Variants in FSIP2 observed in about 807,000 individuals in gnomAD.
The protein encoded by FSIP2 is fibrous sheath-interacting protein 2.
Under a neutral mutation model 510.5 loss-of-function variants are expected in FSIP2, and 367 were observed. The observed-to-expected ratio is 0.72, with a 90% CI of 0.66 to 0.78. The LOEUF (loss-of-function observed/expected upper bound fraction) is 0.78. Among genes scored for constraint, FSIP2 ranks in the 30% least tolerant of loss-of-function variants. FSIP2 has a pLI of 0.00. For synonymous variants in FSIP2, 2,601 were observed against 2,732.2 expected, an observed-to-expected ratio of 0.95 and a Z score of 1.50; for missense variants, 7,594 against 7,901.7, an observed-to-expected ratio of 0.96 and a Z score of 1.48.
intron 9 of FSIP2, among the ~76,000 whole-genome samples, chr2:185,760,012 AG>A (rs1049086392): frequency 7.8e-5 from 3 of 38,542 alleles, no homozygotes; most frequent in Non-Finnish European, 1.4e-4. Context: ...TGGATTTTTC[AG>A]AGAATTTGTT....
Position 185,796,653 on chromosome 2 carries a change from G to A in FSIP2, c.9517G>A (p.Glu3173Lys). Residue 3173 changes from glutamate (E) to lysine (K), a missense_variant, in exon 16 of 23, where the codon GAA becomes AAA. Coordinates refer to ENST00000424728, the MANE Select transcript of FSIP2 (RefSeq NM_173651.4). The part of the protein sequence containing the change: ...NMKMFTSKLK[E>K]GSLGINPSQV... ...GAAAATGTTCACATCAAAGTTAAAG[G>A]AAGGTAGTTTGGGGATTAATCCTTC... The A allele has an allele frequency of 6.5e-7, 1 of 1,535,120 alleles. No homozygotes were observed. The highest frequency in any genetic ancestry group is 2.4e-5 in the East Asian group (1 of 40,856).
rs775230909 is a variant in FSIP2, at chr2:185,801,818, G to A, written c.12512G>A (p.Ser4171Asn). The change falls in exon 17 of 23, where the codon AGT (serine) becomes AAT (asparagine). Residue 4171 changes from serine (S) to asparagine (N), a missense_variant. By Grantham distance (46) the Ser-to-Asn change is conservative (BLOSUM62 1). Transcript: ENST00000424728. ...TCTTTAGGAAAAAAATATTTAATGAGTTCTGATTTTAATGAAATGTCCACT... is the reference window on the plus strand; with the variant it reads ...TCTTTAGGAAAAAAATATTTAATGAATTCTGATTTTAATGAAATGTCCACT... Reference protein sequence around the residue: ...CSSLGKKYLMSSDFNEMSTCI... With the variant: ...CSSLGKKYLMNSDFNEMSTCI... 3 of 1,488,926 alleles carry A rather than the reference G, an allele frequency of 2.0e-6. No individual in the cohort carries two copies. The South Asian group carries it at 3.9e-5, about 19-fold the overall frequency. 92.2% of individuals were successfully genotyped at this position (1,488,926 alleles called of 1,614,324 possible). A position where few individuals can be genotyped will look rare whatever the true frequency, so the allele number is the denominator to read the frequency against.
At chr2:185,765,690 G>C (rs62199132) in intron 13 of FSIP2, 1 of 151,832 alleles carries the variant, frequency 6.6e-6, no homozygotes, top group African/African-American at 2.4e-5. Flanking sequence ...GAAAGTCATC[G>C]GTAGCTTGAT....
In FSIP2 at chr2:185,813,815, C is replaced by G; in HGVS notation, c.20098C>G (p.Pro6700Ala). Residue 6700 changes from proline (P) to alanine (A), a missense_variant, in exon 18 of 23, where the codon CCT (proline) becomes GCT (alanine). Coordinates refer to ENST00000424728, the MANE Select transcript of FSIP2 (RefSeq NM_173651.4). The stretch of plus-strand genomic sequence containing the variant: ...GAAGCCAATACAAAGCAAACTTTCT[C>G]CTAAGTCAACACTAAGCACGAGCAG... ...VKKPIQSKLS[P>A]KSTLSTSSLK... The G allele has an allele frequency of 6.2e-7, 1 of 1,613,444 alleles. No homozygotes were observed. The highest frequency in any genetic ancestry group is 1.1e-5 in the South Asian group (1 of 91,068).
chr2:185,799,934 C>T lies in FSIP2; in HGVS notation c.10628C>T (p.Ser3543Phe). Residue 3543 changes from serine (S) to phenylalanine (F), a missense_variant, in exon 17 of 23, where the codon TCT becomes TTT. By Grantham distance (155) the Ser-to-Phe change is radical (BLOSUM62 -2). Transcript: ENST00000424728. ...TTTAGCAAGATTATTTCAATTCATT[C>T]TCAAGTGTTTGAGAGCAGGTCAATT... ...ATFSKIISIHSQVFESRSISI... is the reference protein window; with the variant it reads ...ATFSKIISIHFQVFESRSISI... The T allele has an allele frequency of 6.5e-7, 1 of 1,533,650 alleles. No homozygotes were observed. Among genetic ancestry groups the T allele is most frequent in the Non-Finnish European group, 8.7e-7 (1 of 1,145,288 alleles).
At chr2:185,764,755 C>T (rs1692428952) in intron 13 of FSIP2, 190 bp downstream of exon 13, 1 of 503,360 alleles carries the variant, frequency 2.0e-6, no homozygotes, top group South Asian at 2.8e-5. Context: ...ATGATAAGAG[C>T]AATAAAGGAA....
chr2:185,796,379 T>C lies in FSIP2; in HGVS notation c.9243T>C (p.Tyr3081=). The change falls in exon 16 of 23, where the codon TAT becomes TAC. Residue 3081 remains tyrosine (Y), a synonymous_variant. Coordinates refer to ENST00000424728, the MANE Select transcript of FSIP2 (RefSeq NM_173651.4). ...CATTCCATTCACAATTACTTACATA[T>C]GCTGTTAATATCATCAGTGACATGC... is the stretch of plus-strand genomic sequence containing the variant. ...VHSFHSQLLT[Y]AVNIISDMLA... is the part of the protein sequence containing the mutation. The C allele has an allele frequency of 6.5e-7, 1 of 1,533,848 alleles. No homozygotes were observed. The highest frequency in any genetic ancestry group is 8.7e-7 in the Non-Finnish European group (1 of 1,145,310).
At chr2:185,771,496 C>A (rs902797910) in intron 13 of FSIP2, among the ~76,000 whole-genome samples, 1 of 152,190 alleles carries the variant, frequency 6.6e-6, no homozygotes, top group African/African-American at 2.4e-5. Context: ...ACAGTGGCAT[C>A]CCAAATTGTA....
chr2:185,764,172 C>A (rs1225093744), intron 12 of FSIP2, among the ~76,000 whole-genome samples: 1 of 151,630 alleles, frequency 6.6e-6, no homozygotes, highest in South Asian at 2.1e-4. Flanking sequence ...GCATTGCCAT[C>A]CATATTAAAT....
chr2:185,815,514 G>A (rs1693810048), intron 19 of FSIP2, 43 bp downstream of exon 19: 1 of 961,704 alleles, frequency 1.0e-6, no homozygotes, highest in South Asian at 1.6e-5. Context: ...ATCTGATAAA[G>A]TAGAGCTTAT....
chr2:185,796,439 A>T lies in FSIP2; in HGVS notation c.9303A>T (p.Ile3101=), dbSNP rs1693280537. 1 of 1,534,800 alleles carries T rather than the reference A, an allele frequency of 6.5e-7. No homozygotes were observed. The highest frequency in any genetic ancestry group is 8.7e-7 in the Non-Finnish European group (1 of 1,146,138). ...AVIKNKLDNE[I]SQMEPSSISI... is the part of the protein sequence containing the mutation. ...TTAAGAACAAGCTAGACAACGAAAT[A>T]AGCCAAATGGAACCATCTTCAATTA... The change falls in exon 16 of 23, where the codon ATA becomes ATT. Residue 3101 remains isoleucine (I), a synonymous_variant. Transcript: ENST00000424728.
intron 17 of FSIP2, among the ~76,000 whole-genome samples, chr2:185,813,032 C>A (rs1397652622): frequency 2.6e-5 from 4 of 152,008 alleles, no homozygotes; most frequent in Non-Finnish European, 5.9e-5. Context: ...TTTGAAGAAT[C>A]TTTTGGGAAA....
At chr2:185,783,022 C>A (rs1692888417) in intron 14 of FSIP2, among the ~76,000 whole-genome samples, 1 of 152,190 alleles carries the variant, frequency 6.6e-6, no homozygotes, top group South Asian at 2.1e-4. Context: ...GTATCCGCAT[C>A]ATAGCCTTCT....
intron 21 of FSIP2, among the ~76,000 whole-genome samples, chr2:185,829,056 C>T (rs1694065101): frequency 6.6e-6 from 1 of 151,828 alleles, no homozygotes; most frequent in Non-Finnish European, 1.5e-5. Flanking sequence ...ACCTCAGGCT[C>T]CACTTTGGCC....
chr2:185,797,169 A>G lies in FSIP2; in HGVS notation c.10033A>G (p.Ser3345Gly). 6.5e-7 allele frequency: 1 copy of G among 1,534,962 alleles called. No individual in the cohort carries two copies. Among genetic ancestry groups the G allele is most frequent in the Non-Finnish European group, 8.7e-7 (1 of 1,146,220 alleles). The change falls in exon 16 of 23, where the codon AGT (serine) becomes GGT (glycine). Residue 3345 changes from serine to glycine, a missense_variant. Ser to Gly is a moderately conservative substitution (Grantham distance 56). Coordinates refer to ENST00000424728, the MANE Select transcript of FSIP2 (RefSeq NM_173651.4). ...NTVLSSCGFP[S>G]QPHTNENREI... Reference sequence around the variant, plus strand: ...TGTGCTATCCAGCTGTGGCTTTCCAAGTCAACCACACACTAATGAGAACAG... The same window carrying G: ...TGTGCTATCCAGCTGTGGCTTTCCAGGTCAACCACACACTAATGAGAACAG...
At chr2:185,757,093 T>A (rs1055423473) in intron 9 of FSIP2, among the ~76,000 whole-genome samples, 3 of 151,342 alleles carry the variant, frequency 2.0e-5, no homozygotes, top group Non-Finnish European at 4.4e-5. Flanking sequence ...CAAAGGATTA[T>A]TTACAACTGG....
chr2:185,790,098 C>T lies in FSIP2; in HGVS notation c.2962C>T (p.Pro988Ser). Residue 988 changes from proline (P) to serine (S), a missense_variant, in exon 16 of 23, where the codon CCA becomes TCA. By Grantham distance (74) the Pro-to-Ser change is moderately conservative (BLOSUM62 -1). Coordinates refer to ENST00000424728, the MANE Select transcript of FSIP2 (RefSeq NM_173651.4). The part of the protein sequence containing the change: ...RLSNSPRSGR[P>S]FPPINVPGMV... Reference sequence around the variant, plus strand: ...ATCAAATAGTCCTAGGTCTGGAAGACCATTTCCACCTATAAATGTTCCAGG... The same window carrying T: ...ATCAAATAGTCCTAGGTCTGGAAGATCATTTCCACCTATAAATGTTCCAGG... The T allele has an allele frequency of 6.5e-7, 1 of 1,533,764 alleles. No homozygotes were observed. Among genetic ancestry groups the T allele is most frequent in the Non-Finnish European group, 8.7e-7 (1 of 1,145,384 alleles).
Position 185,761,737 on chromosome 2 carries a change from A to C in FSIP2, c.1195-235A>C, listed in dbSNP as rs199806798. Among the ~76,000 whole-genome samples the C allele has an allele frequency of 2.0e-5, 3 of 151,324 alleles. No individual in the cohort carries two copies. In the East Asian group the frequency reaches 5.8e-4, roughly 29 times the overall value. Reference sequence around the variant, plus strand: ...GGCAAAGTAGGAAGACTGGAGAAGAAGTAAGTTTATACATTGCTACATATT... The same window carrying C: ...GGCAAAGTAGGAAGACTGGAGAAGACGTAAGTTTATACATTGCTACATATT... On this transcript the variant is annotated intron_variant, in intron 10 of 22. Transcript: ENST00000424728.
chr2:185,815,745 G>T (rs1282309434), intron 19 of FSIP2, among the ~76,000 whole-genome samples: 1 of 152,060 alleles, frequency 6.6e-6, no homozygotes, highest in Admixed American at 6.6e-5. Context: ...ATGTATTAGG[G>T]TATTTTCTAA....
Sources: allele counts gnomAD v4.1 joint callset (sites outside exome capture counted in the v4.1 genomes callset), GRCh38; gene constraint gnomAD v4.1.1; transcripts MANE v1.5; gene names NCBI Gene and HGNC (gene_info 2026-07-23, HGNC 2026-07-21).